CMSS1: variants seen among roughly 807,000 people sequenced by gnomAD.
CMSS1 encodes the protein cms1 ribosomal small subunit homolog, also known as protein CMSS1.
In CMSS1, 33 loss-of-function variants were observed where a neutral mutation model predicts 43.5. The ratio of observed to expected loss-of-function variants is 0.76; its 90% CI spans 0.57 to 1.01. The LOEUF (loss-of-function observed/expected upper bound fraction) is 1.01. Among genes scored for constraint, CMSS1 ranks in the 50% least tolerant of loss-of-function variants. The probability of loss-of-function intolerance (pLI) is 0.00; values close to 1 mark genes in which losing one functional copy is unlikely to be tolerated. For missense variants in CMSS1, 313 were observed against 326.4 expected (o/e 0.96, Z 0.32); for synonymous variants, 115 against 117.2 (o/e 0.98, Z 0.12).
chr3:99,912,695 A>G (rs1275798484), intron 1 of CMSS1, among the ~76,000 whole-genome samples: 2 of 152,152 alleles, frequency 1.3e-5, no homozygotes, highest in African/African-American at 2.4e-5. Flanking sequence ...CTTCTTTTCA[A>G]TTGACAAGTA....
At chr3:100,054,560 C>CTA (rs1204118355) in intron 1 of CMSS1, among the ~76,000 whole-genome samples, 1 of 149,244 alleles carries the variant, frequency 6.7e-6, no homozygotes, top group Admixed American at 6.8e-5. Flanking sequence ...ATGTTGTTAC[C>CTA]TACCTGCCCC....
intron 1 of CMSS1, chr3:99,849,525 TC>T (rs1157486737): frequency 6.2e-7 from 1 of 1,613,334 alleles, no homozygotes; most frequent in Non-Finnish European, 8.5e-7. Context: ...CATCCACTTC[TC>T]TTGAGAGGTG....
intron 1 of CMSS1, among the ~76,000 whole-genome samples, chr3:99,964,617 A>T (rs556217166): frequency 1.1e-4 from 17 of 152,144 alleles, no homozygotes; most frequent in African/African-American, 3.9e-4. Flanking sequence ...CTGTGTGTCT[A>T]GGGCCAAAAG....
chr3:100,021,244 G>C (rs2064811719), intron 1 of CMSS1, among the ~76,000 whole-genome samples: 1 of 152,176 alleles, frequency 6.6e-6, no homozygotes, highest in South Asian at 2.1e-4. Context: ...TGAATTTCTA[G>C]TGACACCCTA....
chr3:100,139,529 AT>A (rs2066784872), intron 1 of CMSS1, among the ~76,000 whole-genome samples: 1 of 129,296 alleles, frequency 7.7e-6, no homozygotes, highest in Admixed American at 8.0e-5. Flanking sequence ...TAAAAAAAAA[AT>A]GTGTGTGTGT....
chr3:99,993,824 G>C (rs368688352), intron 1 of CMSS1, among the ~76,000 whole-genome samples: 18 of 152,146 alleles, frequency 1.2e-4, no homozygotes, highest in African/African-American at 4.3e-4. Flanking sequence ...GGGATAAATC[G>C]TACTTGATCA....
chr3:99,937,468 TAGAA>T (rs1320464821), intron 1 of CMSS1, among the ~76,000 whole-genome samples: 1 of 152,244 alleles, frequency 6.6e-6, no homozygotes, highest in Non-Finnish European at 1.5e-5. Context: ...CATGTCTTAA[TAGAA>T]AGAGTATGAG....
chr3:100,013,974 C>T (rs533530434), intron 1 of CMSS1, among the ~76,000 whole-genome samples: 160 of 152,186 alleles, frequency 1.1e-3, no homozygotes, highest in Non-Finnish European at 1.7e-3. Context: ...TGTGCCGCCC[C>T]CTTCCCACTG....
intron 1 of CMSS1, among the ~76,000 whole-genome samples, chr3:99,925,571 C>G (rs1206819460): frequency 2.8e-5 from 4 of 141,478 alleles, no homozygotes; most frequent in Admixed American, 1.5e-4. Flanking sequence ...ACACTTCCAG[C>G]AGTAGTTTAA....
At position 100,178,427 on chromosome 3, in the gene CMSS1, A is replaced by G; in HGVS notation, c.*39A>G. On this transcript the variant is annotated 3_prime_UTR_variant, in exon 10 of 10. Transcript: ENST00000421999. ...TGAAGATTCCAGTTTTCACAGTAGAAGTTGCATCTTATTTAATGACTCTGA... is the reference window on the plus strand; with the variant it reads ...TGAAGATTCCAGTTTTCACAGTAGAGGTTGCATCTTATTTAATGACTCTGA... 2 of 1,297,048 alleles carry G rather than the reference A, an allele frequency of 1.5e-6. No individual in the cohort carries two copies. The highest frequency in any genetic ancestry group is 2.2e-6 in the Non-Finnish European group (2 of 899,344). The allele number at this position is 1,297,048 out of a possible 1,614,324, so 80.3% of individuals were successfully genotyped here.
chr3:99,958,332 T>C (rs1708398120), intron 1 of CMSS1, among the ~76,000 whole-genome samples: 1 of 151,690 alleles, frequency 6.6e-6, no homozygotes. Context: ...AGGGTCTATT[T>C]TTAACTGCCA....
At chr3:99,892,941 A>G (rs1257236528) in intron 1 of CMSS1, among the ~76,000 whole-genome samples, 1 of 152,222 alleles carries the variant, frequency 6.6e-6, no homozygotes, top group Non-Finnish European at 1.5e-5. Context: ...TTCACAAAGA[A>G]GATGAGGCCC....
chr3:100,044,668 A>G (rs968990461), intron 1 of CMSS1, among the ~76,000 whole-genome samples: 3 of 152,246 alleles, frequency 2.0e-5, no homozygotes, highest in Admixed American at 1.3e-4. Context: ...TCTAAGAGCA[A>G]TGAGTAACCA....
intron 1 of CMSS1, among the ~76,000 whole-genome samples, chr3:99,892,496 T>G (rs1706114880): frequency 6.6e-6 from 1 of 152,238 alleles, no homozygotes; most frequent in South Asian, 2.1e-4. Flanking sequence ...TCCAGCCTTG[T>G]GGCAGGTTCT....
At chr3:100,002,809 C>T (rs934029016) in intron 1 of CMSS1, among the ~76,000 whole-genome samples, 1 of 152,102 alleles carries the variant, frequency 6.6e-6, no homozygotes, top group Admixed American at 6.6e-5. Context: ...TACATCCCAC[C>T]CCTATGACTT....
chr3:99,864,830 A>C (rs1576527176), intron 1 of CMSS1, among the ~76,000 whole-genome samples: 1 of 152,086 alleles, frequency 6.6e-6, no homozygotes, highest in Non-Finnish European at 1.5e-5. Context: ...ACCATCTGGC[A>C]TACTATATTT....
At chr3:99,875,693 A>G (rs1705475602) in intron 1 of CMSS1, among the ~76,000 whole-genome samples, 1 of 152,218 alleles carries the variant, frequency 6.6e-6, no homozygotes, top group Non-Finnish European at 1.5e-5. Flanking sequence ...CATGTAAGAC[A>G]AGCGAGTTTG....
intron 1 of CMSS1, among the ~76,000 whole-genome samples, chr3:100,027,292 C>T (rs1201398834): frequency 6.6e-6 from 1 of 152,142 alleles, no homozygotes; most frequent in Non-Finnish European, 1.5e-5. Flanking sequence ...TATTTGTTCA[C>T]TGCTGTTTAC....
chr3:100,111,840 G>A (rs2107478601), intron 1 of CMSS1, among the ~76,000 whole-genome samples: 1 of 152,286 alleles, frequency 6.6e-6, no homozygotes, highest in East Asian at 1.9e-4. Context: ...ACTAAAATGT[G>A]TTTTCTAATT....
Sources: allele counts gnomAD v4.1 joint callset (sites outside exome capture counted in the v4.1 genomes callset), GRCh38; gene constraint gnomAD v4.1.1; transcripts MANE v1.5; gene names NCBI Gene and HGNC (gene_info 2026-07-23, HGNC 2026-07-21).